Variants in ARFIP1 observed in about 807,000 individuals in gnomAD.
The protein encoded by ARFIP1 is arfaptin-1.
In ARFIP1, 24 loss-of-function variants were observed where a neutral mutation model predicts 42.5. The ratio of observed to expected loss-of-function variants is 0.57; its 90% CI spans 0.41 to 0.80. The LOEUF (loss-of-function observed/expected upper bound fraction) is 0.80, where lower values mean the gene tolerates loss of function less well. ARFIP1 is among the 30% of genes least tolerant of loss of function. The probability of loss-of-function intolerance (pLI) is 0.00; values close to 1 mark genes in which losing one functional copy is unlikely to be tolerated. For missense variants in ARFIP1, 354 were observed against 434.0 expected (o/e 0.82, Z 1.64); for synonymous variants, 141 against 153.7 (o/e 0.92, Z 0.61).
chr4:152,870,909 CTCAGTTTCATAA>C, intron 4 of ARFIP1, 61 bp downstream of exon 4: 1 of 1,399,016 alleles, frequency 7.1e-7, no homozygotes, highest in Non-Finnish European at 1.0e-6. Context: ...CACTAATTTA[CTCAGTTTCATAA>C]TCACTTGCTT....
At chr4:152,825,273 G>T (rs1730740063) in intron 1 of ARFIP1, among the ~76,000 whole-genome samples, 1 of 152,040 alleles carries the variant, frequency 6.6e-6, no homozygotes, top group Admixed American at 6.6e-5. Context: ...AATAAATCTA[G>T]AGGCATCACA....
intron 8 of ARFIP1, among the ~76,000 whole-genome samples, chr4:152,890,038 C>G (rs1736714542): frequency 6.7e-6 from 1 of 150,238 alleles, no homozygotes. Flanking sequence ...AGACATTGTA[C>G]ATTTTAAATA....
chr4:152,839,858 TTCC>T (rs1420179919), intron 2 of ARFIP1, among the ~76,000 whole-genome samples: 1 of 152,222 alleles, frequency 6.6e-6, no homozygotes, highest in Non-Finnish European at 1.5e-5. Context: ...GTTTCTCTAG[TTCC>T]TTGAGGTGTG....
chr4:152,879,674 AC>A (rs1421936873), intron 5 of ARFIP1, among the ~76,000 whole-genome samples: 3 of 151,968 alleles, frequency 2.0e-5, no homozygotes, highest in Non-Finnish European at 4.4e-5. Flanking sequence ...ACATGGAGAA[AC>A]CCCGTCTCTA....
At chr4:152,854,532 T>C (rs1472652926) in intron 2 of ARFIP1, among the ~76,000 whole-genome samples, 1 of 152,230 alleles carries the variant, frequency 6.6e-6, no homozygotes, top group Non-Finnish European at 1.5e-5. Flanking sequence ...TTATATTTCC[T>C]TGCTTGTTCA....
intron 8 of ARFIP1, among the ~76,000 whole-genome samples, chr4:152,903,765 A>G (rs1411241740): frequency 6.6e-6 from 1 of 152,076 alleles, no homozygotes; most frequent in Non-Finnish European, 1.5e-5. Flanking sequence ...AAATACACTG[A>G]GCCTGAGCCT....
At chr4:152,804,564 T>C (rs1728860882) in intron 1 of ARFIP1, among the ~76,000 whole-genome samples, 1 of 142,252 alleles carries the variant, frequency 7.0e-6, no homozygotes, top group Admixed American at 7.6e-5. Flanking sequence ...GGAGAGGCAG[T>C]GTAATATAAA....
At chr4:152,820,691 G>A (rs1730298861) in intron 1 of ARFIP1, among the ~76,000 whole-genome samples, 1 of 152,156 alleles carries the variant, frequency 6.6e-6, no homozygotes, top group African/African-American at 2.4e-5. Flanking sequence ...ACAGCAAGGG[G>A]GAAATCTGCC....
rs1227898885 is a variant in ARFIP1 at position 152,912,311 on chromosome 4, A to G, written c.*2092A>G. 1.3e-5 allele frequency: 2 copies of G among 152,206 alleles called. No individual in the cohort carries two copies. The highest frequency in any genetic ancestry group is 4.8e-5 in the African/African-American group (2 of 41,462). The allele number at this position is 152,206 out of a possible 1,614,324, so 9.4% of individuals were successfully genotyped here. A position where few individuals can be genotyped will look rare whatever the true frequency, so the allele number is the denominator to read the frequency against. The stretch of plus-strand genomic sequence containing the variant: ...TTAGAAGAAAATTTCAAGTAATAGA[A>G]GATAAGTACCTTCCCAAGTGAATAA... On this transcript the variant is annotated 3_prime_UTR_variant, in exon 9 of 9. Coordinates refer to ENST00000353617, the MANE Select transcript of ARFIP1 (RefSeq NM_001025595.3).
intron 1 of ARFIP1, among the ~76,000 whole-genome samples, chr4:152,802,943 G>GA (rs567989205): frequency 3.3e-5 from 5 of 152,094 alleles, no homozygotes; most frequent in Admixed American, 1.3e-4. Flanking sequence ...AGTAGCATGA[G>GA]AAAAAAAGTA....
chr4:152,884,836 A>G (rs528129199), intron 7 of ARFIP1, among the ~76,000 whole-genome samples: 12 of 152,192 alleles, frequency 7.9e-5, no homozygotes, highest in Admixed American at 3.9e-4. Context: ...ATAATGTGGT[A>G]TAAGATCTCA....
intron 2 of ARFIP1, among the ~76,000 whole-genome samples, chr4:152,843,583 G>A (rs1732280694): frequency 6.6e-6 from 1 of 152,162 alleles, no homozygotes; most frequent in Admixed American, 6.5e-5. Context: ...CCCTGGGCGA[G>A]TCTTGCTGCA....
rs761403637 is a variant in ARFIP1, at chr4:152,888,351, C to A, written c.966+44C>A. 5 of 1,384,684 alleles carry A rather than the reference C, an allele frequency of 3.6e-6. No homozygotes were observed. The African/African-American group carries it at 4.4e-5, about 12-fold the overall frequency. 85.8% of individuals were successfully genotyped at this position (1,384,684 alleles called of 1,614,324 possible). A position where few individuals can be genotyped will look rare whatever the true frequency, so the allele number is the denominator to read the frequency against. ...AAGGTCTTTCTGTGGACTTTGAAGT[C>A]ACCCTAAAGAGAGATAGTCAGTTTT... On this transcript the variant is annotated intron_variant, in intron 8 of 8. Coordinates refer to ENST00000353617, the MANE Select transcript of ARFIP1 (RefSeq NM_001025595.3).
intron 2 of ARFIP1, among the ~76,000 whole-genome samples, chr4:152,830,028 T>C (rs1317348228): frequency 6.6e-6 from 1 of 152,146 alleles, no homozygotes; most frequent in African/African-American, 2.4e-5. Flanking sequence ...AATAAAAAGA[T>C]TATCCTTTTA....
chr4:152,834,278 C>T (rs1731475335), intron 2 of ARFIP1, among the ~76,000 whole-genome samples: 1 of 152,108 alleles, frequency 6.6e-6, no homozygotes, highest in Non-Finnish European at 1.5e-5. Flanking sequence ...CAAACTTTGC[C>T]CCTAGCCCCC....
At chr4:152,785,475 G>T (rs1200095264) in intron 1 of ARFIP1, among the ~76,000 whole-genome samples, 1 of 152,152 alleles carries the variant, frequency 6.6e-6, no homozygotes, top group Non-Finnish European at 1.5e-5. Context: ...AAATGGCCAG[G>T]ACCTTATCTG....
intron 1 of ARFIP1, among the ~76,000 whole-genome samples, chr4:152,794,036 T>C (rs558458261): frequency 2.0e-5 from 3 of 152,326 alleles, no homozygotes; most frequent in South Asian, 4.1e-4. Context: ...CATCTAATTT[T>C]AGACTTGCGG....
chr4:152,865,266 A>T (rs902418892), intron 3 of ARFIP1, among the ~76,000 whole-genome samples: 1 of 151,902 alleles, frequency 6.6e-6, no homozygotes, highest in Non-Finnish European at 1.5e-5. Flanking sequence ...CATCCCAAGT[A>T]GTTGGGATTA....
intron 2 of ARFIP1, among the ~76,000 whole-genome samples, chr4:152,847,124 CTT>C (rs771661005): frequency 0.039 from 1,593 of 40,392 alleles, 31 homozygotes; most frequent in South Asian, 0.11. Context: ...TAGGTTTGTT[CTT>C]TTTTTTTTTT....
Sources: allele counts gnomAD v4.1 joint callset (sites outside exome capture counted in the v4.1 genomes callset), GRCh38; gene constraint gnomAD v4.1.1; transcripts MANE v1.5; gene names NCBI Gene and HGNC (gene_info 2026-07-23, HGNC 2026-07-21).